Variants in KLHL29 observed in about 807,000 individuals in gnomAD.
KLHL29 encodes kelch-like protein 29.
KLHL29 carries 21 observed loss-of-function variants against 80.4 expected under a neutral mutation model. That is an observed-to-expected ratio of 0.26 (90% CI 0.19 to 0.38). The LOEUF is 0.38. Among genes scored for constraint, KLHL29 ranks in the 10% least tolerant of loss-of-function variants. KLHL29 has a pLI of 1.00. For synonymous variants in KLHL29, 511 were observed against 526.8 expected (o/e 0.97, Z 0.41); for missense variants, 867 against 1,223.9 (o/e 0.71, Z 4.35).
At chr2:23,533,994 G>T (rs1230526314) in intron 2 of KLHL29, among the ~76,000 whole-genome samples, 1 of 151,408 alleles carries the variant, frequency 6.6e-6, no homozygotes, top group Admixed American at 6.6e-5. Flanking sequence ...TCTTTTTGGG[G>T]TATGTAATAG....
At chr2:23,558,995 C>T (rs778451413) in intron 2 of KLHL29, among the ~76,000 whole-genome samples, 2 of 152,100 alleles carry the variant, frequency 1.3e-5, no homozygotes, top group South Asian at 2.1e-4. Context: ...GCAGGGAGGG[C>T]GGGCACCATT....
intron 3 of KLHL29, among the ~76,000 whole-genome samples, chr2:23,624,569 A>T (rs1280918850): frequency 6.6e-6 from 1 of 152,194 alleles, no homozygotes; most frequent in African/African-American, 2.4e-5. Flanking sequence ...AGAGGTCGTG[A>T]TGCTTTGGTC....
intron 2 of KLHL29, among the ~76,000 whole-genome samples, chr2:23,532,141 A>G (rs969330718): frequency 4.6e-5 from 7 of 152,168 alleles, no homozygotes; most frequent in African/African-American, 1.7e-4. Flanking sequence ...CATGCCTGGG[A>G]GTTACTCCAA....
At chr2:23,677,908 C>T (rs1353837926) in intron 5 of KLHL29, among the ~76,000 whole-genome samples, 1 of 152,172 alleles carries the variant, frequency 6.6e-6, no homozygotes, top group Non-Finnish European at 1.5e-5. Flanking sequence ...GGATGGGAAG[C>T]ATTTATCACC....
intron 1 of KLHL29, among the ~76,000 whole-genome samples, chr2:23,443,285 C>G (rs1455143651): frequency 2.6e-5 from 4 of 152,136 alleles, no homozygotes; most frequent in Non-Finnish European, 5.9e-5. Flanking sequence ...CACATGTGTC[C>G]TAACTATAGG....
At chr2:23,701,780 T>C (rs1558450468) in intron 11 of KLHL29, among the ~76,000 whole-genome samples, 1 of 144,556 alleles carries the variant, frequency 6.9e-6, no homozygotes, top group Non-Finnish European at 1.5e-5. Flanking sequence ...TTCGCACACA[T>C]GGCTTTTTTT....
chr2:23,568,322 C>T (rs12624312), intron 3 of KLHL29, among the ~76,000 whole-genome samples: 86,176 of 152,030 alleles, frequency 0.57, 27,254 homozygotes, highest in East Asian at 0.78. Flanking sequence ...GGTTTTAAAG[C>T]CATAACGGTT....
Position 23,706,466 on chromosome 2 carries a change from G to A in KLHL29, c.2445-15G>A, listed in dbSNP as rs762439525. On this transcript the variant is annotated splice_polypyrimidine_tract_variant and intron_variant, in intron 13 of 13. Coordinates refer to ENST00000486442, the MANE Select transcript of KLHL29 (RefSeq NM_052920.2). ...AAGTGAAATGCCTAACTCTGTCCCC[G>A]CTTTCCCCCAACAGTGCTGTGGTGC... is the stretch of plus-strand genomic sequence containing the variant. The A allele has an allele frequency of 2.8e-5, 41 of 1,462,134 alleles. No homozygotes were observed. Among genetic ancestry groups the A allele is most frequent in the South Asian group, 9.7e-5 (7 of 72,216 alleles). The allele number at this position is 1,462,134 out of a possible 1,614,324, so 90.6% of individuals were successfully genotyped here.
chr2:23,465,489 C>T (rs1433139097), intron 1 of KLHL29, among the ~76,000 whole-genome samples: 5 of 152,216 alleles, frequency 3.3e-5, no homozygotes, highest in Non-Finnish European at 5.9e-5. Context: ...ACCCCGGCTT[C>T]CTCGCCTCAT....
intron 2 of KLHL29, among the ~76,000 whole-genome samples, chr2:23,557,507 AC>A (rs1667327925): frequency 2.0e-5 from 3 of 150,556 alleles, no homozygotes; most frequent in Non-Finnish European, 4.4e-5. Flanking sequence ...TTTTAAGGAG[AC>A]TTGAGGAGCT....
chr2:23,620,323 A>G (rs1474246081), intron 3 of KLHL29, among the ~76,000 whole-genome samples: 3 of 152,186 alleles, frequency 2.0e-5, no homozygotes, highest in African/African-American at 4.8e-5. Context: ...TGACATGGTC[A>G]TATTTACATT....
intron 3 of KLHL29, among the ~76,000 whole-genome samples, chr2:23,563,473 G>A (rs561822557): frequency 1.8e-4 from 27 of 152,362 alleles, no homozygotes; most frequent in South Asian, 4.1e-4. Context: ...GTACATGCGT[G>A]TATGTGCCTG....
intron 3 of KLHL29, among the ~76,000 whole-genome samples, chr2:23,607,803 C>G (rs1379429126): frequency 6.6e-6 from 1 of 152,194 alleles, no homozygotes; most frequent in Non-Finnish European, 1.5e-5. Flanking sequence ...AGTTTCATCC[C>G]AGAACCATCT....
At chr2:23,577,473 G>A (rs1461688056) in intron 3 of KLHL29, among the ~76,000 whole-genome samples, 5 of 151,350 alleles carry the variant, frequency 3.3e-5, no homozygotes, top group Non-Finnish European at 2.9e-5. Flanking sequence ...GGGGCCATGC[G>A]CGGTGGCTCA....
At chr2:23,528,533 A>G (rs1249314381) in intron 2 of KLHL29, among the ~76,000 whole-genome samples, 3 of 152,188 alleles carry the variant, frequency 2.0e-5, no homozygotes, top group African/African-American at 4.8e-5. Context: ...GCTCCCTTGC[A>G]TGGACCCTGA....
chr2:23,531,243 G>A (rs1188186720), intron 2 of KLHL29, among the ~76,000 whole-genome samples: 1 of 152,244 alleles, frequency 6.6e-6, no homozygotes, highest in Admixed American at 6.5e-5. Context: ...CCAGGGTGCA[G>A]CCACCCTGTG....
At chr2:23,601,907 G>A (rs1445581086) in intron 3 of KLHL29, among the ~76,000 whole-genome samples, 4 of 152,208 alleles carry the variant, frequency 2.6e-5, no homozygotes, top group African/African-American at 9.7e-5. Flanking sequence ...GGTGGTAGTG[G>A]AGGGCTCAGT....
intron 11 of KLHL29, among the ~76,000 whole-genome samples, chr2:23,702,443 A>G (rs2149225453): frequency 6.6e-6 from 1 of 152,324 alleles, no homozygotes; most frequent in East Asian, 1.9e-4. Flanking sequence ...GCACCATGAT[A>G]AAGTCAAAAA....
At chr2:23,439,413 T>C (rs1406163841) in intron 1 of KLHL29, among the ~76,000 whole-genome samples, 1 of 151,598 alleles carries the variant, frequency 6.6e-6, no homozygotes, top group Admixed American at 6.6e-5. Context: ...AGGGTGTCAA[T>C]TTTGGATCTT....
Sources: allele counts gnomAD v4.1 joint callset (sites outside exome capture counted in the v4.1 genomes callset), GRCh38; gene constraint gnomAD v4.1.1; transcripts MANE v1.5; gene names NCBI Gene and HGNC (gene_info 2026-07-23, HGNC 2026-07-21).